The following TRIM36 variants were observed in gnomAD, a reference collection of about 807,000 sequenced individuals.
TRIM36 encodes tripartite motif containing 36, also known as E3 ubiquitin-protein ligase TRIM36.
Under a neutral mutation model 72.4 loss-of-function variants are expected in TRIM36, and 42 were observed. The ratio of observed to expected loss-of-function variants is 0.58; its 90% CI spans 0.45 to 0.75. TRIM36 has a LOEUF of 0.75. TRIM36 is among the 30% of genes least tolerant of loss of function. The probability of loss-of-function intolerance (pLI) is 0.00; values close to 1 mark genes in which losing one functional copy is unlikely to be tolerated. For missense variants in TRIM36, 913 were observed against 857.1 expected, an observed-to-expected ratio of 1.07 and a Z score of -0.81; for synonymous variants, 315 against 282.8, an observed-to-expected ratio of 1.11 and a Z score of -1.14.
At chr5:115,132,479 T>G (rs973258749) in intron 8 of TRIM36, among the ~76,000 whole-genome samples, 1 of 146,994 alleles carries the variant, frequency 6.8e-6, no homozygotes, top group African/African-American at 2.5e-5. Flanking sequence ...GAGGTTGCAG[T>G]GAGCTAGTGA....
intron 1 of TRIM36, among the ~76,000 whole-genome samples, chr5:115,168,782 T>C (rs1171548639): frequency 6.6e-6 from 1 of 152,234 alleles, no homozygotes; most frequent in Non-Finnish European, 1.5e-5. Flanking sequence ...TGGCACCTAA[T>C]TCAAAAGAAA....
chr5:115,126,356 T>C lies in TRIM36; in HGVS notation c.*147A>G. ...ACAACGACATGAAGACACAAGGCTGTTTAGATTTTCTGTATTTCAAGAAGA... is the reference window on the plus strand; with the variant it reads ...ACAACGACATGAAGACACAAGGCTGCTTAGATTTTCTGTATTTCAAGAAGA... On this transcript the variant is annotated 3_prime_UTR_variant, in exon 10 of 10. Coordinates refer to ENST00000513154, the MANE Select transcript of TRIM36 (RefSeq NM_001300759.2). 2 of 634,724 alleles carry C rather than the reference T, an allele frequency of 3.2e-6. No homozygotes were observed. Among genetic ancestry groups the C allele is most frequent in the South Asian group, 4.6e-5 (2 of 43,650 alleles). The allele number at this position is 634,724 out of a possible 1,614,324, so 39.3% of individuals were successfully genotyped here.
intron 9 of TRIM36, 73 bp downstream of exon 9, chr5:115,130,519 G>A: frequency 1.3e-6 from 2 of 1,500,292 alleles, no homozygotes; most frequent in Admixed American, 2.1e-5. Flanking sequence ...TACTCCAAAT[G>A]TAACAAAGCC....
rs759072270 is a variant in TRIM36, at chr5:115,144,587, A to G, written c.735+11T>C. 1 of 1,610,506 alleles carries G rather than the reference A, an allele frequency of 6.2e-7. No individual in the cohort carries two copies. The highest frequency in any genetic ancestry group is 2.2e-5 in the East Asian group (1 of 44,848). On this transcript the variant is annotated intron_variant, in intron 4 of 9. Transcript: ENST00000513154. The stretch of plus-strand genomic sequence containing the variant: ...GAAGAATCAAAATTCTGTTCCAAAA[A>G]TAAGTCCTACCTTTAAGGTTTTGTA...
chr5:115,171,311 G>C (rs925301844), upstream of TRIM36: 5 of 1,557,818 alleles, frequency 3.2e-6, no homozygotes, highest in Admixed American at 3.5e-5. Context: ...GAGGTGAACA[G>C]AGGACGAAAG....
At chr5:115,156,712 T>C (rs1032560426) in intron 2 of TRIM36, among the ~76,000 whole-genome samples, 1 of 152,142 alleles carries the variant, frequency 6.6e-6, no homozygotes, top group African/African-American at 2.4e-5. Flanking sequence ...ACTATAAAAA[T>C]TCTAGAAGAT....
At chr5:115,143,707 A>T (rs1367923295) in intron 4 of TRIM36, among the ~76,000 whole-genome samples, 5 of 152,238 alleles carry the variant, frequency 3.3e-5, no homozygotes, top group Non-Finnish European at 1.5e-5. Context: ...GAAAGAAACA[A>T]AATGGGTAGT....
intron 1 of TRIM36, among the ~76,000 whole-genome samples, chr5:115,176,170 C>T (rs1240772931): frequency 6.6e-6 from 1 of 152,148 alleles, no homozygotes. Flanking sequence ...GCAGTGGGCA[C>T]AACCTTACCA....
chr5:115,144,461 T>G (rs541726455), intron 4 of TRIM36, 137 bp downstream of exon 4: 11 of 1,034,788 alleles, frequency 1.1e-5, no homozygotes, highest in Non-Finnish European at 1.5e-5. Context: ...CTAATATTAG[T>G]AGATCGCTAA....
intron 3 of TRIM36, 108 bp downstream of exon 3, chr5:115,146,961 T>C: frequency 8.4e-7 from 1 of 1,184,074 alleles, no homozygotes; most frequent in East Asian, 2.6e-5. Flanking sequence ...AGTTATTTCC[T>C]TTCTGTCAAG....
rs1426389231 is a variant in TRIM36 at position 115,125,878 on chromosome 5, A to G, written c.*625T>C. The G allele has an allele frequency of 1.3e-5, 2 of 152,186 alleles. No individual in the cohort carries two copies. The highest frequency in any genetic ancestry group is 2.9e-5 in the Non-Finnish European group (2 of 68,016). 9.4% of individuals were successfully genotyped at this position (152,186 alleles called of 1,614,324 possible). On this transcript the variant is annotated 3_prime_UTR_variant, in exon 10 of 10. Transcript: ENST00000513154. ...GCAGACTCTTAAAATGTCCTTAGCA[A>G]TACAGTTTGTGGTCTTAACAAAACA...
chr5:115,139,828 G>A (rs528014855), intron 5 of TRIM36, among the ~76,000 whole-genome samples: 1 of 152,298 alleles, frequency 6.6e-6, no homozygotes, highest in African/African-American at 2.4e-5. Context: ...CAAGGAATCA[G>A]TGTCTACATG....
At chr5:115,170,027 G>A, upstream of TRIM36, 1 of 1,015,894 alleles carries the variant, frequency 9.8e-7, no homozygotes, top group Admixed American at 5.6e-5. Context: ...GGCCGCCTGG[G>A]GCTGGTAGGC....
rs115109806 is a variant in TRIM36, at chr5:115,139,539, C to T, written c.831+1740G>A. On this transcript the variant is annotated intron_variant, in intron 5 of 9. Coordinates refer to ENST00000513154, the MANE Select transcript of TRIM36 (RefSeq NM_001300759.2). ...TTCCAGATCTCCTGTTTCCTAACCC[C>T]GACAGCCACATATTTTTAAAAGAGA... Among the ~76,000 whole-genome samples the T allele has an allele frequency of 2.6e-3, 400 of 152,274 alleles. 3 individuals are homozygous for T. Among genetic ancestry groups the T allele is most frequent in the African/African-American group, 9.2e-3 (384 of 41,560 alleles).
chr5:115,160,913 A>C (rs1474924234), intron 2 of TRIM36, among the ~76,000 whole-genome samples: 2 of 152,030 alleles, frequency 1.3e-5, no homozygotes, highest in African/African-American at 4.8e-5. Flanking sequence ...AATATTACTC[A>C]TGAATCTACC....
chr5:115,139,504 A>C (rs1434848148), intron 5 of TRIM36, among the ~76,000 whole-genome samples: 1 of 152,246 alleles, frequency 6.6e-6, no homozygotes, highest in Non-Finnish European at 1.5e-5. Context: ...CTATAATGAA[A>C]GGAAATTTTT....
At chr5:115,128,438 A>T (rs914439908) in intron 9 of TRIM36, among the ~76,000 whole-genome samples, 2 of 151,494 alleles carry the variant, frequency 1.3e-5, no homozygotes, top group African/African-American at 4.9e-5. Flanking sequence ...CCTACAAGAG[A>T]GTTAAAAAGT....
At chr5:115,152,312 A>G (rs1431580441) in intron 2 of TRIM36, among the ~76,000 whole-genome samples, 2 of 152,192 alleles carry the variant, frequency 1.3e-5, no homozygotes, top group African/African-American at 4.8e-5. Flanking sequence ...ACCCAATCCA[A>G]CAAAGACAAA....
At chr5:115,173,000 T>C (rs957101159), upstream of TRIM36, among the ~76,000 whole-genome samples, 34 of 152,174 alleles carry the variant, frequency 2.2e-4, 1 homozygote, top group African/African-American at 8.0e-4. Flanking sequence ...CCATAAACTT[T>C]TAAAAACAAA....
Sources: allele counts gnomAD v4.1 joint callset (sites outside exome capture counted in the v4.1 genomes callset), GRCh38; gene constraint gnomAD v4.1.1; transcripts MANE v1.5; gene names NCBI Gene and HGNC (gene_info 2026-07-23, HGNC 2026-07-21).